Variants in PNPLA3 observed in about 807,000 individuals in gnomAD.
PNPLA3 encodes the protein 1-acylglycerol-3-phosphate O-acyltransferase PNPLA3.
A neutral mutation model predicts 43.1 loss-of-function variants in PNPLA3; 42 were observed. That is an observed-to-expected ratio of 0.97 (90% CI 0.76 to 1.26). The LOEUF is 1.26. PNPLA3 is among the 50% of genes most tolerant of loss of function. PNPLA3 has a pLI of 0.00. For missense variants in PNPLA3, 647 were observed against 621.4 expected (o/e 1.04, Z -0.44); for synonymous variants, 272 against 253.6 (o/e 1.07, Z -0.69).
intron 5 of PNPLA3, 109 bp downstream of exon 5, chr22:43,934,775 T>C: frequency 3.0e-6 from 3 of 1,005,310 alleles, no homozygotes; most frequent in Non-Finnish European, 3.1e-6. Flanking sequence ...GCCCAACGCC[T>C]TCCTTGTGTT....
chr22:43,930,057 CG>C (rs1413220603), intron 3 of PNPLA3, among the ~76,000 whole-genome samples: 1 of 152,160 alleles, frequency 6.6e-6, no homozygotes, highest in Non-Finnish European at 1.5e-5. Flanking sequence ...AGAGCAGCAG[CG>C]GAACCTTTGA....
chr22:43,940,043 A>G lies in PNPLA3; in HGVS notation c.1030A>G (p.Asn344Asp), dbSNP rs1273151190. The change falls in exon 7 of 9, where the codon AAC (asparagine) becomes GAC (aspartate). Residue 344 changes from asparagine to aspartate, a missense_variant. Physicochemically the swap from Asn to Asp is conservative, Grantham distance 23. Coordinates refer to ENST00000216180, the MANE Select transcript of PNPLA3 (RefSeq NM_025225.3). Reference protein sequence around the residue: ...DKGGYMSKICNLLPIRIMSYV... With the variant: ...DKGGYMSKICDLLPIRIMSYV... Reference sequence around the variant, plus strand: ...AGGTGGATACATGAGCAAGATTTGCAACTTGCTACCCATTAGGATAATGTC... The same window carrying G: ...AGGTGGATACATGAGCAAGATTTGCGACTTGCTACCCATTAGGATAATGTC... 4 of 1,614,128 alleles carry G rather than the reference A, an allele frequency of 2.5e-6. No individual in the cohort carries two copies. Among genetic ancestry groups the G allele is most frequent in the Non-Finnish European group, 3.4e-6 (4 of 1,179,952 alleles).
chr22:43,946,143 A>G lies in PNPLA3; in HGVS notation c.1218-11A>G, dbSNP rs1475134463. 6.2e-7 allele frequency: 1 copy of G among 1,611,106 alleles called. No individual in the cohort carries two copies. Among genetic ancestry groups the G allele is most frequent in the South Asian group, 1.1e-5 (1 of 91,036 alleles). ...AACGGCCTCTAAGCCAACTTCCTCC[A>G]TGTGTTTCAGGTCCCAAATGCCAGT... is the stretch of plus-strand genomic sequence containing the variant. On this transcript the variant is annotated splice_polypyrimidine_tract_variant and intron_variant, in intron 8 of 8. Coordinates refer to ENST00000216180, the MANE Select transcript of PNPLA3 (RefSeq NM_025225.3).
intron 7 of PNPLA3, among the ~76,000 whole-genome samples, chr22:43,941,729 C>T (rs763328499): frequency 1.3e-5 from 2 of 151,966 alleles, no homozygotes; most frequent in South Asian, 2.1e-4. Context: ...CGGTTTCATC[C>T]GCAATATATG....
At chr22:43,942,946 T>G (rs111321350) in intron 7 of PNPLA3, among the ~76,000 whole-genome samples, 127 of 152,228 alleles carry the variant, frequency 8.3e-4, no homozygotes, top group Non-Finnish European at 1.1e-3. Context: ...GGGCTCTTAT[T>G]AGGAAGATGT....
intron 6 of PNPLA3, among the ~76,000 whole-genome samples, chr22:43,938,915 T>C (rs1240152613): frequency 1.3e-5 from 2 of 152,186 alleles, no homozygotes; most frequent in African/African-American, 4.8e-5. Flanking sequence ...TTGATGTAGC[T>C]GTTTTTTGTT....
At chr22:43,941,270 C>G (rs1422274879) in intron 7 of PNPLA3, among the ~76,000 whole-genome samples, 2 of 130,888 alleles carry the variant, frequency 1.5e-5, no homozygotes, top group Non-Finnish European at 3.2e-5. Flanking sequence ...CACAGTGTGA[C>G]TCTCCTAGAA....
At chr22:43,942,701 C>CTCT (rs2050038498) in intron 7 of PNPLA3, among the ~76,000 whole-genome samples, 3 of 113,644 alleles carry the variant, frequency 2.6e-5, no homozygotes, top group Non-Finnish European at 5.2e-5. Flanking sequence ...TTTCTTTTTT[C>CTCT]TTTTTTTTTT....
Position 43,946,749 on chromosome 22 carries a change from T to G in PNPLA3, c.*367T>G. On this transcript the variant is annotated 3_prime_UTR_variant, in exon 9 of 9. Coordinates refer to ENST00000216180, the MANE Select transcript of PNPLA3 (RefSeq NM_025225.3). ...GGGGGCCTTGTGATGGGGGGTAGGC[T>G]GGCCCATGTGTGATCTTGTGGGGTG... 1 of 527,948 alleles carries G rather than the reference T, an allele frequency of 1.9e-6. No homozygotes were observed. Among genetic ancestry groups the G allele is most frequent in the Non-Finnish European group, 3.8e-6 (1 of 266,488 alleles). 32.7% of individuals were successfully genotyped at this position (527,948 alleles called of 1,614,324 possible). A position where few individuals can be genotyped will look rare whatever the true frequency, so the allele number is the denominator to read the frequency against.
intron 7 of PNPLA3, 103 bp downstream of exon 7, chr22:43,940,228 T>C: frequency 7.4e-7 from 1 of 1,356,278 alleles, no homozygotes; most frequent in Non-Finnish European, 1.0e-6. Context: ...TGGATTGTCG[T>C]GCCACAGATC....
At chr22:43,934,307 A>G (rs989537942) in intron 4 of PNPLA3, among the ~76,000 whole-genome samples, 7 of 139,912 alleles carry the variant, frequency 5.0e-5, no homozygotes, top group African/African-American at 1.9e-4. Context: ...ACAGAGCAAG[A>G]CTCTGCCTTA....
At chr22:43,925,122 G>T (rs2049913636) in intron 1 of PNPLA3, among the ~76,000 whole-genome samples, 1 of 151,776 alleles carries the variant, frequency 6.6e-6, no homozygotes, top group Non-Finnish European at 1.5e-5. Context: ...ACCCTTCCTG[G>T]GGGCTGGAGT....
rs1206870691 is a variant in PNPLA3 at position 43,937,280 on chromosome 22, C to T, written c.979+8C>T. On this transcript the variant is annotated splice_region_variant and intron_variant, in intron 6 of 8. Transcript: ENST00000216180. ...CGCCCAGGCTCGCTACAGGTACCCA[C>T]TCCTCGGGGTGAGCACGGGCAGCAC... is the stretch of plus-strand genomic sequence containing the variant. 1.2e-6 allele frequency: 2 copies of T among 1,612,574 alleles called. No homozygotes were observed. The highest frequency in any genetic ancestry group is 2.2e-5 in the East Asian group (1 of 44,868).
At position 43,936,797 on chromosome 22, in the gene PNPLA3, C is replaced by T. The variant is rs148314282; in HGVS notation, c.758-254C>T. Among the ~76,000 whole-genome samples the T allele has an allele frequency of 4.4e-4, 67 of 152,294 alleles. 2 individuals are homozygous for T. The highest frequency in any genetic ancestry group is 1.5e-3 in the African/African-American group (64 of 41,566). ...CCAACACTAACCCTCGCCTTTGCAC[C>T]TCATGAAACCAGATATGTAGATGGA... On this transcript the variant is annotated intron_variant, in intron 5 of 8. Transcript: ENST00000216180.
intron 6 of PNPLA3, among the ~76,000 whole-genome samples, 172 bp downstream of exon 6, chr22:43,937,444 GC>G (rs1172720659): frequency 1.3e-5 from 2 of 152,158 alleles, no homozygotes; most frequent in African/African-American, 4.8e-5. Flanking sequence ...TCCCAGCACA[GC>G]CCCCAACCCC....
In PNPLA3 at chr22:43,923,842, A is replaced by G. The variant is rs916958412; in HGVS notation, c.-70A>G. On this transcript the variant is annotated 5_prime_UTR_variant, in exon 1 of 9. Transcript: ENST00000216180. ...CGGGCGCCGGGCGGAGCTGCTGCGG[A>G]TCAGGACCCGAGCCGATTCCCGATC... The G allele has an allele frequency of 1.4e-6, 2 of 1,388,722 alleles. No individual in the cohort carries two copies. The highest frequency in any genetic ancestry group is 1.5e-5 in the African/African-American group (1 of 65,952). 86.0% of individuals were successfully genotyped at this position (1,388,722 alleles called of 1,614,324 possible). A position where few individuals can be genotyped will look rare whatever the true frequency, so the allele number is the denominator to read the frequency against.
chr22:43,924,185 C>T (rs1354576624), intron 1 of PNPLA3, 87 bp downstream of exon 1: 6 of 1,333,944 alleles, frequency 4.5e-6, no homozygotes, highest in Non-Finnish European at 5.8e-6. Flanking sequence ...GGTCGCGGGG[C>T]CCTGGAGGAG....
rs528582219 is a variant in PNPLA3, at chr22:43,927,249, G to C, written c.420+82G>C. On this transcript the variant is annotated intron_variant, in intron 2 of 8. Transcript: ENST00000216180. Reference sequence around the variant, plus strand: ...TGTGGTGGCTCATGCCTGTCATCCCGGCACTTTGGGAGGCCGAAGCGGGTG... The same window carrying C: ...TGTGGTGGCTCATGCCTGTCATCCCCGCACTTTGGGAGGCCGAAGCGGGTG... 16 of 1,335,156 alleles carry C rather than the reference G, an allele frequency of 1.2e-5. No individual in the cohort carries two copies. In the African/African-American group the frequency reaches 1.7e-4, roughly 14 times the overall value. 82.7% of individuals were successfully genotyped at this position (1,335,156 alleles called of 1,614,324 possible).
Position 43,946,670 on chromosome 22 carries a change from A to T in PNPLA3, c.*288A>T. ...TACTGACTGTTTCGTGGCCCTATTA[A>T]TGGTCAGACTGTTCCAGCATGAGGT... On this transcript the variant is annotated 3_prime_UTR_variant, in exon 9 of 9. Transcript: ENST00000216180. 1 of 593,486 alleles carries T rather than the reference A, an allele frequency of 1.7e-6. No individual in the cohort carries two copies. The allele number at this position is 593,486 out of a possible 1,614,324, so 36.8% of individuals were successfully genotyped here. A position where few individuals can be genotyped will look rare whatever the true frequency, so the allele number is the denominator to read the frequency against.
Sources: allele counts gnomAD v4.1 joint callset (sites outside exome capture counted in the v4.1 genomes callset), GRCh38; gene constraint gnomAD v4.1.1; transcripts MANE v1.5; gene names NCBI Gene and HGNC (gene_info 2026-07-23, HGNC 2026-07-21).